INTS7: variants seen among roughly 807,000 people sequenced by gnomAD.
The protein encoded by INTS7 is chromosome 1 open reading frame 73.
Under a neutral mutation model 109.2 loss-of-function variants are expected in INTS7, and 46 were observed. The observed-to-expected ratio is 0.42, with a 90% CI of 0.33 to 0.54. INTS7 has a LOEUF of 0.54. Among genes scored for constraint, INTS7 ranks in the 20% least tolerant of loss-of-function variants. The pLI is 0.07. For synonymous variants in INTS7, 412 were observed against 402.9 expected, an observed-to-expected ratio of 1.02 and a Z score of -0.27; for missense variants, 929 against 1,132.4, an observed-to-expected ratio of 0.82 and a Z score of 2.58.
intron 8 of INTS7, among the ~76,000 whole-genome samples, chr1:211,983,038 G>T (rs564748889): frequency 5.9e-5 from 9 of 151,830 alleles, no homozygotes; most frequent in African/African-American, 2.2e-4. Flanking sequence ...TAAAATCAAC[G>T]TATAATTTCT....
At chr1:211,973,704 T>G (rs1436205768) in intron 13 of INTS7, among the ~76,000 whole-genome samples, 1 of 152,212 alleles carries the variant, frequency 6.6e-6, no homozygotes, top group Non-Finnish European at 1.5e-5. Context: ...CAATCAGAGT[T>G]CTGGGAAGTT....
chr1:211,950,643 A>G (rs1663044670), intron 17 of INTS7, among the ~76,000 whole-genome samples: 9 of 152,170 alleles, frequency 5.9e-5, no homozygotes, highest in Admixed American at 5.9e-4. Context: ...TTTCATTTAA[A>G]CCTCACAGTA....
chr1:212,035,264 T>C (rs529228889), intron 1 of INTS7, 80 bp downstream of exon 1: 1 of 960,090 alleles, frequency 1.0e-6, no homozygotes, highest in Admixed American at 1.8e-5. Context: ...CCTATCCGTC[T>C]TCTCCCAAAG....
At chr1:211,951,333 A>T (rs1663076462) in intron 17 of INTS7, among the ~76,000 whole-genome samples, 1 of 151,954 alleles carries the variant, frequency 6.6e-6, no homozygotes, top group East Asian at 1.9e-4. Flanking sequence ...TTTGAGACAG[A>T]GTCCTCGCTC....
chr1:211,992,367 A>T (rs1665183874), intron 7 of INTS7, among the ~76,000 whole-genome samples: 1 of 152,198 alleles, frequency 6.6e-6, no homozygotes, highest in African/African-American at 2.4e-5. Context: ...TTTACCATTT[A>T]AAAAACTGAA....
chr1:212,021,335 G>A (rs1666688995), intron 1 of INTS7, 123 bp from the exon 2 acceptor site: 1 of 782,466 alleles, frequency 1.3e-6, no homozygotes, highest in South Asian at 2.6e-5. Context: ...AGCAGGTAAA[G>A]TATAATTCAT....
intron 1 of INTS7, among the ~76,000 whole-genome samples, chr1:212,028,269 A>G (rs77349458): frequency 0.026 from 3,984 of 152,342 alleles, 59 homozygotes; most frequent in African/African-American, 0.046. Flanking sequence ...ATGTTTTTAA[A>G]GGTTTCGAAC....
intron 15 of INTS7, 68 bp from the exon 16 acceptor site, chr1:211,966,566 T>TG: frequency 1.1e-6 from 1 of 932,038 alleles, no homozygotes; most frequent in South Asian, 1.4e-5. Flanking sequence ...ATTACTTGAA[T>TG]ACTAAATTGG....
At chr1:211,993,538 G>C (rs531276488) in intron 7 of INTS7, among the ~76,000 whole-genome samples, 1 of 152,006 alleles carries the variant, frequency 6.6e-6, no homozygotes, top group Non-Finnish European at 1.5e-5. Flanking sequence ...AAATTAGCTA[G>C]GCGTGGTGGC....
intron 1 of INTS7, among the ~76,000 whole-genome samples, chr1:212,021,460 C>T (rs951526955): frequency 3.3e-5 from 5 of 151,406 alleles, no homozygotes; most frequent in Admixed American, 2.6e-4. Context: ...ATATTCAAAG[C>T]CATAAAATAA....
chr1:212,002,899 A>G (rs1409195196), intron 7 of INTS7, among the ~76,000 whole-genome samples: 1 of 152,222 alleles, frequency 6.6e-6, no homozygotes, highest in African/African-American at 2.4e-5. Context: ...AGTGAAAAAC[A>G]ATCAGGTATA....
At chr1:211,969,297 AG>A (rs897360420) in intron 13 of INTS7, among the ~76,000 whole-genome samples, 5 of 150,674 alleles carry the variant, frequency 3.3e-5, no homozygotes, top group Admixed American at 6.6e-5. Context: ...AAAAAAACAA[AG>A]AAAAAAGAAG....
Position 211,975,239 on chromosome 1 carries a change from T to C in INTS7, c.1742A>G (p.Glu581Gly), listed in dbSNP as rs1343203575. The part of the protein sequence containing the change: ...AEQCLTGLQE[E>G]NYSSALSCIA... ...GCAAGAAAGTGCTGAACTATAATTT[T>C]CCTCTTGCAACCCAGTGAGACACTG... The change falls in exon 13 of 20, where the codon GAA becomes GGA. Residue 581 changes from glutamate to glycine, a missense_variant. Physicochemically the swap from Glu to Gly is moderately conservative, Grantham distance 98. This residue lies in a region of INTS7 where 787 missense variants were observed against 901.1 expected (regional missense o/e 0.87). Transcript: ENST00000366994. The C allele has an allele frequency of 3.1e-6, 5 of 1,614,008 alleles. No homozygotes were observed. Among genetic ancestry groups the C allele is most frequent in the Non-Finnish European group, 4.2e-6 (5 of 1,179,868 alleles).
chr1:212,016,838 T>C, intron 4 of INTS7, 48 bp downstream of exon 4: 3 of 1,537,934 alleles, frequency 2.0e-6, no homozygotes, highest in South Asian at 1.3e-5. Context: ...TCAAAAATTT[T>C]TCTTGGGAAG....
At chr1:212,032,758 C>T (rs1036451506) in intron 1 of INTS7, among the ~76,000 whole-genome samples, 1 of 152,158 alleles carries the variant, frequency 6.6e-6, no homozygotes, top group African/African-American at 2.4e-5. Flanking sequence ...GGATTACAGG[C>T]GTGAACCACC....
intron 11 of INTS7, among the ~76,000 whole-genome samples, chr1:211,977,318 T>G (rs1216822140): frequency 6.6e-6 from 1 of 152,238 alleles, no homozygotes; most frequent in Admixed American, 6.5e-5. Context: ...ATTCCTCAGA[T>G]TTTTTGAATA....
chr1:211,974,276 A>AATATATATATATATAT (rs58474002), intron 13 of INTS7, among the ~76,000 whole-genome samples: 11 of 92,314 alleles, frequency 1.2e-4, no homozygotes, highest in East Asian at 5.7e-4. Context: ...AGAAAAAAAA[A>AATATATATATATATAT]ATATATATAT....
intron 9 of INTS7, among the ~76,000 whole-genome samples, chr1:211,981,406 T>G (rs1223435994): frequency 6.6e-6 from 1 of 152,198 alleles, no homozygotes; most frequent in East Asian, 1.9e-4. Context: ...ACCACTTTAT[T>G]GAAGTATTTA....
chr1:211,969,110 C>T (rs1005732190), intron 13 of INTS7, among the ~76,000 whole-genome samples: 6 of 151,956 alleles, frequency 3.9e-5, no homozygotes, highest in African/African-American at 1.5e-4. Flanking sequence ...TGGTGAAACC[C>T]CGTCTCTATT....
Sources: allele counts gnomAD v4.1 joint callset (sites outside exome capture counted in the v4.1 genomes callset), GRCh38; gene constraint gnomAD v4.1.1; regional missense constraint gnomAD v4.1.1; transcripts MANE v1.5; gene names NCBI Gene and HGNC (gene_info 2026-07-23, HGNC 2026-07-21).